PDE4D: variants seen among roughly 807,000 people sequenced by gnomAD.
PDE4D encodes 3',5'-cyclic-AMP phosphodiesterase 4D.
PDE4D carries 24 observed loss-of-function variants against 87.4 expected under a neutral mutation model. The ratio of observed to expected loss-of-function variants is 0.27; its 90% CI spans 0.20 to 0.39. PDE4D has a LOEUF of 0.39. Ranked by LOEUF, PDE4D falls within the 10% of genes least tolerant of loss-of-function variation. PDE4D has a pLI of 1.00. For synonymous variants in PDE4D, 384 were observed against 383.2 expected, an observed-to-expected ratio of 1.00 and a Z score of -0.02; for missense variants, 714 against 1,041.0, an observed-to-expected ratio of 0.69 and a Z score of 4.32.
chr5:59,586,382 A>C (rs527754979), intron 1 of PDE4D: 6 of 1,611,780 alleles, frequency 3.7e-6, no homozygotes, highest in Non-Finnish European at 5.1e-6. Flanking sequence ...TCATGTTCGC[A>C]GATCTTCTGT....
intron 1 of PDE4D, among the ~76,000 whole-genome samples, chr5:59,334,534 A>T (rs1232272544): frequency 6.6e-6 from 1 of 152,126 alleles, no homozygotes; most frequent in Non-Finnish European, 1.5e-5. Flanking sequence ...CTAGGATTAC[A>T]GGTGTGAGGC....
At chr5:59,246,760 C>T (rs1273573087) in intron 1 of PDE4D, among the ~76,000 whole-genome samples, 1 of 152,124 alleles carries the variant, frequency 6.6e-6, no homozygotes, top group Admixed American at 6.6e-5. Flanking sequence ...AGTAAATATG[C>T]AATCCAACTA....
Position 60,105,629 on chromosome 5 carries a change from A to T in PDE4D, c.42+79928T>A, listed in dbSNP as rs1283814090. Among the ~76,000 whole-genome samples the T allele has an allele frequency of 2.1e-3, 323 of 151,226 alleles. 2 individuals carry two copies. Among genetic ancestry groups the T allele is most frequent in the African/African-American group, 7.4e-3 (300 of 40,542 alleles). On this transcript the variant is annotated intron_variant, in intron 2 of 16. Coordinates refer to the PDE4D transcript ENST00000502484. ...GCCAGAGAGAAAGGTTGGGTTACCTACAAAGGGAAGCCCATCAGACTAACA... is the reference window on the plus strand; with the variant it reads ...GCCAGAGAGAAAGGTTGGGTTACCTTCAAAGGGAAGCCCATCAGACTAACA...
chr5:59,539,951 G>A (rs1332838090), intron 1 of PDE4D, among the ~76,000 whole-genome samples: 1 of 152,110 alleles, frequency 6.6e-6, no homozygotes, highest in Non-Finnish European at 1.5e-5. Context: ...CTGTCCTATG[G>A]TATTCTTTGC....
intron 1 of PDE4D, among the ~76,000 whole-genome samples, chr5:59,810,242 A>G (rs1204291081): frequency 6.6e-6 from 1 of 152,228 alleles, no homozygotes; most frequent in Non-Finnish European, 1.5e-5. Context: ...TTCCGTAAAA[A>G]TCAGTCGGCC....
At chr5:59,185,735 A>G (rs2153480744) in intron 3 of PDE4D, among the ~76,000 whole-genome samples, 1 of 152,346 alleles carries the variant, frequency 6.6e-6, no homozygotes. Flanking sequence ...CCTTTGCCAC[A>G]TGGCTACTCT....
chr5:60,218,615 G>A (rs1260438627), intron 1 of PDE4D, among the ~76,000 whole-genome samples: 1 of 152,016 alleles, frequency 6.6e-6, no homozygotes, highest in East Asian at 1.9e-4. Flanking sequence ...ATGGAATTGA[G>A]AATCATTTCA....
chr5:59,784,021 T>C (rs1178714582), intron 1 of PDE4D, among the ~76,000 whole-genome samples: 1 of 152,072 alleles, frequency 6.6e-6, no homozygotes, highest in Non-Finnish European at 1.5e-5. Flanking sequence ...ATTGGGCCAC[T>C]GCACTCCATC....
At chr5:59,938,410 C>G (rs1250265769) in intron 3 of PDE4D, among the ~76,000 whole-genome samples, 3 of 152,160 alleles carry the variant, frequency 2.0e-5, no homozygotes, top group Non-Finnish European at 4.4e-5. Flanking sequence ...AGATCCAGCT[C>G]TTTCTGGACT....
intron 2 of PDE4D, among the ~76,000 whole-genome samples, chr5:60,121,424 A>T (rs1046822531): frequency 6.6e-6 from 1 of 152,154 alleles, no homozygotes; most frequent in African/African-American, 2.4e-5. Flanking sequence ...GAAGAAAAAG[A>T]GGTTTAATTG....
intron 3 of PDE4D, among the ~76,000 whole-genome samples, chr5:59,906,180 A>T (rs1752788462): frequency 6.6e-6 from 1 of 152,182 alleles, no homozygotes; most frequent in African/African-American, 2.4e-5. Context: ...TCATAATTAG[A>T]AAACACTGGA....
At chr5:60,351,918 A>T (rs1759233978) in intron 1 of PDE4D, among the ~76,000 whole-genome samples, 1 of 148,672 alleles carries the variant, frequency 6.7e-6, no homozygotes, top group Non-Finnish European at 1.5e-5. Context: ...CGATCCTCCC[A>T]CCTCAGCCTC....
chr5:59,680,624 G>T (rs1375081647), intron 1 of PDE4D, among the ~76,000 whole-genome samples: 1 of 152,128 alleles, frequency 6.6e-6, no homozygotes, highest in African/African-American at 2.4e-5. Context: ...TTTGAGTACA[G>T]AATTAGGCAT....
chr5:59,642,645 C>T (rs991613612), intron 1 of PDE4D, among the ~76,000 whole-genome samples: 3 of 152,256 alleles, frequency 2.0e-5, no homozygotes, highest in South Asian at 2.1e-4. Context: ...GAGGCCTCCC[C>T]GGCCATGTGG....
At chr5:59,816,252 C>A (rs1160815609) in intron 1 of PDE4D, among the ~76,000 whole-genome samples, 1 of 152,204 alleles carries the variant, frequency 6.6e-6, no homozygotes, top group Non-Finnish European at 1.5e-5. Flanking sequence ...CCTTAATAAC[C>A]TGTAAGTTAT....
intron 2 of PDE4D, among the ~76,000 whole-genome samples, chr5:60,163,889 T>C (rs900681739): frequency 2.0e-5 from 3 of 152,160 alleles, no homozygotes; most frequent in Non-Finnish European, 4.4e-5. Flanking sequence ...GACATCCCCA[T>C]TGACTTTCTG....
intron 1 of PDE4D, among the ~76,000 whole-genome samples, chr5:59,454,604 C>A (rs914833391): frequency 1.3e-5 from 2 of 151,986 alleles, no homozygotes; most frequent in African/African-American, 4.8e-5. Flanking sequence ...TAAACTGGTA[C>A]CAGTAGAGTG....
intron 3 of PDE4D, among the ~76,000 whole-genome samples, chr5:59,189,755 A>C (rs1743899197): frequency 6.6e-6 from 1 of 152,204 alleles, no homozygotes; most frequent in Non-Finnish European, 1.5e-5. Flanking sequence ...TTTCAACACA[A>C]ACACAAGAGA....
intron 3 of PDE4D, among the ~76,000 whole-genome samples, chr5:59,909,422 G>T (rs1753196643): frequency 1.3e-5 from 2 of 151,802 alleles, no homozygotes; most frequent in South Asian, 4.2e-4. Flanking sequence ...AGACAAAGGG[G>T]TCTTGCTCTG....
Sources: allele counts gnomAD v4.1 joint callset (sites outside exome capture counted in the v4.1 genomes callset), GRCh38; gene constraint gnomAD v4.1.1; transcripts MANE v1.5; gene names NCBI Gene and HGNC (gene_info 2026-07-23, HGNC 2026-07-21).